Variants in C8A observed in about 807,000 individuals in gnomAD.
The protein encoded by C8A is complement C8 alpha chain.
A neutral mutation model predicts 65.3 loss-of-function variants in C8A; 67 were observed. That is an observed-to-expected ratio of 1.03 (90% CI 0.84 to 1.26). The LOEUF is 1.26. Ranked by LOEUF, C8A falls within the 50% of genes most tolerant of loss-of-function variation. The pLI is 0.00. For synonymous variants in C8A, 290 were observed against 259.4 expected (o/e 1.12, Z -1.13); for missense variants, 781 against 723.9 (o/e 1.08, Z -0.90).
chr1:56,855,665 G>T (rs551998514), intron 1 of C8A, among the ~76,000 whole-genome samples: 4 of 150,512 alleles, frequency 2.7e-5, no homozygotes, highest in South Asian at 2.1e-4. Context: ...TTAATATTAA[G>T]TATTTTGTGG....
At chr1:56,880,495 T>C (rs988035883) in intron 4 of C8A, among the ~76,000 whole-genome samples, 3 of 152,146 alleles carry the variant, frequency 2.0e-5, no homozygotes, top group Admixed American at 6.6e-5. Context: ...GCTTCTAGAC[T>C]GTGTTCAAAG....
intron 1 of C8A, among the ~76,000 whole-genome samples, chr1:56,859,013 G>T (rs1644004683): frequency 6.6e-6 from 1 of 152,140 alleles, no homozygotes; most frequent in South Asian, 2.1e-4. Flanking sequence ...ACAGAACCTG[G>T]TACATGGTAA....
rs1036623871 is a variant in C8A, at chr1:56,862,618, T to A, written c.78-4991T>A. On this transcript the variant is annotated intron_variant, in intron 1 of 10. Transcript: ENST00000361249. ...TGAGAAACTCTGCAATAGCACCATA[T>A]AGACTTGTGCTCATTCTACAGACTA... Among the ~76,000 whole-genome samples, 7 of 152,272 alleles carry A rather than the reference T, an allele frequency of 4.6e-5. No homozygotes were observed. The South Asian group carries it at 1.5e-3, about 32-fold the overall frequency.
At chr1:56,875,915 C>A in intron 3 of C8A, 147 bp from the exon 4 acceptor site, 2 of 1,121,804 alleles carry the variant, frequency 1.8e-6, no homozygotes, top group Non-Finnish European at 2.6e-6. Context: ...GCTCATTAGG[C>A]TGGAAGGAAG....
chr1:56,915,000 C>T (rs1644539877), intron 10 of C8A, among the ~76,000 whole-genome samples: 1 of 152,162 alleles, frequency 6.6e-6, no homozygotes, highest in South Asian at 2.1e-4. Flanking sequence ...TTCTAAGCTG[C>T]CAATTTCCAT....
chr1:56,900,746 C>T lies in C8A; in HGVS notation c.1097-5921C>T, dbSNP rs548546512. On this transcript the variant is annotated intron_variant, in intron 7 of 10. Coordinates refer to ENST00000361249, the MANE Select transcript of C8A (RefSeq NM_000562.3). ...GTTTTAGAGGCATTGTCTATATAGG[C>T]TAAAGTCAGCCAATCCCCAAGCCCT... 4.6e-5 allele frequency among the ~76,000 whole-genome samples: 7 copies of T among 152,298 alleles called. No individual in the cohort carries two copies. The East Asian group carries it at 1.2e-3, about 25-fold the overall frequency.
At chr1:56,907,283 G>GT (rs1228839976) in intron 8 of C8A, among the ~76,000 whole-genome samples, 4 of 152,112 alleles carry the variant, frequency 2.6e-5, no homozygotes, top group East Asian at 1.9e-4. Flanking sequence ...CAGGTATTGA[G>GT]TTTTTTTCCC....
intron 2 of C8A, among the ~76,000 whole-genome samples, chr1:56,870,752 T>G (rs928555730): frequency 2.0e-5 from 3 of 150,632 alleles, no homozygotes; most frequent in African/African-American, 7.4e-5. Context: ...CAGAATAGAA[T>G]TATTTCCTTA....
At position 56,886,141 on chromosome 1, in the gene C8A, T is replaced by C. The variant is rs1644298570; in HGVS notation, c.1070T>C (p.Ile357Thr). 6.2e-7 allele frequency: 1 copy of C among 1,613,996 alleles called. No homozygotes were observed. The highest frequency in any genetic ancestry group is 2.2e-5 in the East Asian group (1 of 44,860). The change falls in exon 7 of 11, where the codon ATT becomes ACT. Residue 357 changes from isoleucine to threonine, a missense_variant. Ile to Thr is a moderately conservative substitution (Grantham distance 89). Transcript: ENST00000361249. ...MGGIYEYILV[I>T]DKAKMESLGI... ...GGCATTTATGAATATATCCTGGTGA[T>C]TGACAAAGCAAAAATGGAATCCCTT...
At chr1:56,895,928 A>G (rs1644384361) in intron 7 of C8A, among the ~76,000 whole-genome samples, 1 of 152,132 alleles carries the variant, frequency 6.6e-6, no homozygotes, top group Non-Finnish European at 1.5e-5. Context: ...CAGCCTGGAT[A>G]ACAGAGAGAG....
chr1:56,868,200 G>A (rs1200155289), intron 2 of C8A, among the ~76,000 whole-genome samples: 4 of 151,910 alleles, frequency 2.6e-5, no homozygotes, highest in Admixed American at 1.3e-4. Flanking sequence ...AGTTCAAAAT[G>A]ATCCCTAGTA....
At chr1:56,913,893 G>A (rs775164433) in intron 10 of C8A, among the ~76,000 whole-genome samples, 14 of 152,188 alleles carry the variant, frequency 9.2e-5, no homozygotes, top group Admixed American at 2.0e-4. Context: ...CCAACCATTA[G>A]TCCCAGTTCA....
rs558311889 is a variant in C8A at position 56,855,117 on chromosome 1, G to A, written c.77+139G>A. 2.8e-4 allele frequency: 210 copies of A among 756,070 alleles called. 2 individuals carry two copies. In the South Asian group the frequency reaches 2.9e-3, roughly 10 times the overall value. The allele number at this position is 756,070 out of a possible 1,614,324, so 46.8% of individuals were successfully genotyped here. A position where few individuals can be genotyped will look rare whatever the true frequency, so the allele number is the denominator to read the frequency against. ...TCATGTTATTACTACTCCTGTGGAG[G>A]AGGATGGGACAGTGAAAAGACCGTG... On this transcript the variant is annotated intron_variant, in intron 1 of 10. Transcript: ENST00000361249.
intron 1 of C8A, among the ~76,000 whole-genome samples, chr1:56,860,073 A>AT (rs1167506297): frequency 6.6e-6 from 1 of 152,016 alleles, no homozygotes; most frequent in Admixed American, 6.6e-5. Flanking sequence ...AAAAGAAAAA[A>AT]TTTTTTTTTA....
chr1:56,862,708 G>A (rs185260923), intron 1 of C8A, among the ~76,000 whole-genome samples: 1 of 152,188 alleles, frequency 6.6e-6, no homozygotes, highest in Admixed American at 6.5e-5. Context: ...GCAAACTGAA[G>A]ATTAGAAGCA....
At chr1:56,858,483 A>G (rs1643998942) in intron 1 of C8A, among the ~76,000 whole-genome samples, 1 of 152,200 alleles carries the variant, frequency 6.6e-6, no homozygotes, top group African/African-American at 2.4e-5. Flanking sequence ...GACCCCAAAC[A>G]TAGAGGACAA....
At chr1:56,871,658 A>G (rs1644148295) in intron 2 of C8A, among the ~76,000 whole-genome samples, 1 of 152,224 alleles carries the variant, frequency 6.6e-6, no homozygotes, top group Non-Finnish European at 1.5e-5. Context: ...CCCATAGTAT[A>G]TTTAACTTCA....
chr1:56,912,700 G>A, intron 10 of C8A, 75 bp downstream of exon 10: 12 of 1,373,994 alleles, frequency 8.7e-6, no homozygotes, highest in Non-Finnish European at 1.2e-5. Context: ...GACTTTTGGG[G>A]TTCCCGGCCC....
intron 7 of C8A, among the ~76,000 whole-genome samples, chr1:56,899,171 A>T (rs984377110): frequency 6.6e-6 from 1 of 152,116 alleles, no homozygotes; most frequent in African/African-American, 2.4e-5. Context: ...CTGCATATAC[A>T]TGGAACTGAG....
Sources: allele counts gnomAD v4.1 joint callset (sites outside exome capture counted in the v4.1 genomes callset), GRCh38; gene constraint gnomAD v4.1.1; transcripts MANE v1.5; gene names NCBI Gene and HGNC (gene_info 2026-07-23, HGNC 2026-07-21).